Variants in PLCB1 observed in about 807,000 individuals in gnomAD.
PLCB1 encodes 1-phosphatidylinositol 4,5-bisphosphate phosphodiesterase beta-1.
In PLCB1, 46 loss-of-function variants were observed where a neutral mutation model predicts 161.8. The observed-to-expected ratio is 0.28, with a 90% CI of 0.22 to 0.36. The LOEUF (loss-of-function observed/expected upper bound fraction) is 0.36, where lower values mean the gene tolerates loss of function less well. Among genes scored for constraint, PLCB1 ranks in the 10% least tolerant of loss-of-function variants. The probability of loss-of-function intolerance (pLI) is 1.00; values close to 1 mark genes in which losing one functional copy is unlikely to be tolerated. For missense variants in PLCB1, 1,016 were observed against 1,472.5 expected, an observed-to-expected ratio of 0.69 and a Z score of 5.07; for synonymous variants, 517 against 503.7, an observed-to-expected ratio of 1.03 and a Z score of -0.35.
chr20:8,566,306 C>T (rs1221952544), intron 3 of PLCB1, among the ~76,000 whole-genome samples: 1 of 152,088 alleles, frequency 6.6e-6, no homozygotes, highest in Non-Finnish European at 1.5e-5. Flanking sequence ...GTGGACGAAT[C>T]ATCTCAGTTT....
intron 4 of PLCB1, among the ~76,000 whole-genome samples, chr20:8,635,240 C>G (rs570371392): frequency 1.3e-5 from 2 of 149,076 alleles, no homozygotes; most frequent in African/African-American, 2.5e-5. Context: ...TCAATAAATG[C>G]GAGAGGTGTG....
chr20:8,495,384 C>CTTT (rs1983118051), intron 3 of PLCB1, among the ~76,000 whole-genome samples: 1 of 121,032 alleles, frequency 8.3e-6, no homozygotes. Flanking sequence ...CCTTACCTTC[C>CTTT]TTTCTTTTTT....
intron 3 of PLCB1, among the ~76,000 whole-genome samples, chr20:8,378,116 G>A (rs1051445904): frequency 1.3e-5 from 2 of 152,198 alleles, no homozygotes; most frequent in East Asian, 1.9e-4. Flanking sequence ...AACGTCCATC[G>A]ATGGATGAGT....
At chr20:8,553,010 A>G (rs1486087207) in intron 3 of PLCB1, among the ~76,000 whole-genome samples, 1 of 152,162 alleles carries the variant, frequency 6.6e-6, no homozygotes, top group Non-Finnish European at 1.5e-5. Flanking sequence ...TATCTTTGAT[A>G]TATTTGATGA....
chr20:8,266,815 G>A (rs540341029), intron 2 of PLCB1, among the ~76,000 whole-genome samples: 2 of 152,188 alleles, frequency 1.3e-5, no homozygotes, highest in East Asian at 3.9e-4. Context: ...AAGGCGGGTG[G>A]ACCACCTGAG....
chr20:8,813,342 AAGAG>A (rs1475809024), intron 31 of PLCB1, among the ~76,000 whole-genome samples: 6 of 152,196 alleles, frequency 3.9e-5, no homozygotes, highest in African/African-American at 7.2e-5. Context: ...TCATGGCTGA[AAGAG>A]AGACTCAATT....
chr20:8,678,545 T>A (rs1990143480), intron 9 of PLCB1, among the ~76,000 whole-genome samples: 1 of 152,222 alleles, frequency 6.6e-6, no homozygotes, highest in Non-Finnish European at 1.5e-5. Context: ...CATAGAATAA[T>A]TCTAAATTTA....
chr20:8,790,571 A>G (rs2146223355), intron 31 of PLCB1, among the ~76,000 whole-genome samples: 1 of 152,348 alleles, frequency 6.6e-6, no homozygotes, highest in African/African-American at 2.4e-5. Flanking sequence ...ATCAGAGACT[A>G]ACCAAACCTT....
At chr20:8,733,761 C>T (rs570405903) in intron 19 of PLCB1, among the ~76,000 whole-genome samples, 249 of 145,758 alleles carry the variant, frequency 1.7e-3, no homozygotes, top group Non-Finnish European at 3.0e-3. Flanking sequence ...GCACATTGTG[C>T]GCATGTACCC....
intron 3 of PLCB1, among the ~76,000 whole-genome samples, chr20:8,376,690 T>A (rs555288886): frequency 3.2e-4 from 48 of 151,962 alleles, no homozygotes; most frequent in Middle Eastern, 3.4e-3. Flanking sequence ...GCACTTTGGG[T>A]GGCTGAGGCG....
intron 2 of PLCB1, among the ~76,000 whole-genome samples, chr20:8,224,286 T>G (rs971906051): frequency 6.6e-6 from 1 of 152,180 alleles, no homozygotes; most frequent in African/African-American, 2.4e-5. Flanking sequence ...TGATCGTATC[T>G]ATCTTTAAGG....
chr20:8,760,892 C>A (rs967281212), intron 25 of PLCB1, among the ~76,000 whole-genome samples: 1 of 152,168 alleles, frequency 6.6e-6, no homozygotes, highest in Non-Finnish European at 1.5e-5. Context: ...TGGTTAGTCA[C>A]ATAAACTAGT....
intron 23 of PLCB1, among the ~76,000 whole-genome samples, chr20:8,749,344 A>G (rs1303282592): frequency 6.6e-6 from 1 of 152,172 alleles, no homozygotes; most frequent in Non-Finnish European, 1.5e-5. Flanking sequence ...AAACCCATTA[A>G]TTCCATCCAC....
At position 8,657,060 on chromosome 20, in the gene PLCB1, G is replaced by A. The variant is rs933128056; in HGVS notation, c.595-124G>A. 2.6e-5 allele frequency: 17 copies of A among 647,792 alleles called. 1 individual carries two copies. Among genetic ancestry groups the A allele is most frequent in the Non-Finnish European group, 4.4e-5 (16 of 360,164 alleles). The allele number at this position is 647,792 out of a possible 1,614,324, so 40.1% of individuals were successfully genotyped here. A position where few individuals can be genotyped will look rare whatever the true frequency, so the allele number is the denominator to read the frequency against. On this transcript the variant is annotated intron_variant, in intron 7 of 31. Transcript: ENST00000338037. Reference sequence around the variant, plus strand: ...AAAGGAAAAAGAAAGGAAAGAGAGAGGGAGAAGGTGAGGGAAGGGGGGAAG... The same window carrying A: ...AAAGGAAAAAGAAAGGAAAGAGAGAAGGAGAAGGTGAGGGAAGGGGGGAAG...
intron 3 of PLCB1, among the ~76,000 whole-genome samples, chr20:8,375,404 G>C (rs1003591800): frequency 6.6e-6 from 1 of 152,146 alleles, no homozygotes; most frequent in African/African-American, 2.4e-5. Flanking sequence ...TGACCCATCA[G>C]ATCCATTCAG....
At chr20:8,575,851 T>A (rs2327044) in intron 3 of PLCB1, among the ~76,000 whole-genome samples, 71,100 of 152,072 alleles carry the variant, frequency 0.47, 17,585 homozygotes, top group East Asian at 0.63. Context: ...CCCTTTGTTT[T>A]ATATAAGTAA....
rs191309328 is a variant in PLCB1 at position 8,654,879 on chromosome 20, C to T, written c.595-2305C>T. Among the ~76,000 whole-genome samples, 156 of 152,144 alleles carry T rather than the reference C, an allele frequency of 1.0e-3. 1 individual carries two copies. The highest frequency in any genetic ancestry group is 1.5e-3 in the Non-Finnish European group (102 of 67,942). ...TTATCCATAGCTTTTACCTAAACAT[C>T]TCCCCTATAGCCTTTCATCTCAGCA... On this transcript the variant is annotated intron_variant, in intron 7 of 31. Coordinates refer to ENST00000338037, the MANE Select transcript of PLCB1 (RefSeq NM_015192.4).
At chr20:8,209,700 G>GT (rs1297625319) in intron 2 of PLCB1, among the ~76,000 whole-genome samples, 1 of 152,094 alleles carries the variant, frequency 6.6e-6, no homozygotes, top group Non-Finnish European at 1.5e-5. Flanking sequence ...GATCCACCCA[G>GT]TGGTCATGCT....
chr20:8,821,003 CA>C (rs1287842497), intron 31 of PLCB1, among the ~76,000 whole-genome samples: 1 of 151,946 alleles, frequency 6.6e-6, no homozygotes, highest in Non-Finnish European at 1.5e-5. Context: ...CCAAAAAATT[CA>C]AGACTCTCAT....
Sources: gnomAD v4.1 joint callset for allele counts (sites outside exome capture counted in the v4.1 genomes callset) on GRCh38, gnomAD v4.1.1 for gene constraint, MANE v1.5 for transcripts, NCBI Gene and HGNC (gene_info 2026-07-23, HGNC 2026-07-21) for gene names.